The following BRIP1 variants were observed in gnomAD, a reference collection of about 807,000 sequenced individuals.
BRIP1 encodes the protein BRCA1 interacting DNA helicase 1.
BRIP1 carries 88 observed loss-of-function variants against 119.7 expected under a neutral mutation model. That is an observed-to-expected ratio of 0.74 (90% CI 0.62 to 0.88). The LOEUF (loss-of-function observed/expected upper bound fraction) is 0.88, where lower values mean the gene tolerates loss of function less well. Among genes scored for constraint, BRIP1 ranks in the 40% least tolerant of loss-of-function variants. The pLI is 0.00. For synonymous variants in BRIP1, 443 were observed against 496.5 expected, an observed-to-expected ratio of 0.89 and a Z score of 1.43; for missense variants, 1,259 against 1,455.4, an observed-to-expected ratio of 0.87 and a Z score of 2.20.
chr17:61,799,335 G>T lies in BRIP1; in HGVS notation c.1141-36C>A. 1 of 1,534,882 alleles carries T rather than the reference G, an allele frequency of 6.5e-7. No homozygotes were observed. On this transcript the variant is annotated intron_variant, in intron 8 of 19. Transcript: ENST00000259008. The surrounding 1 kb of genome is among the most constrained non-coding windows in gnomAD (Gnocchi z 5.1). ...AAAGAATTTTCTTGTAAAACATTTG[G>T]CAAAATAGATTTAACAACAGCAGGC...
At position 61,689,112 on chromosome 17, in the gene BRIP1, C is replaced by T. The variant is rs1056193104; in HGVS notation, c.2576-2947G>A. Among the ~76,000 whole-genome samples, 4 of 150,360 alleles carry T rather than the reference C, an allele frequency of 2.7e-5. No individual in the cohort carries two copies. The highest frequency in any genetic ancestry group is 2.1e-4 in the South Asian group (1 of 4,790). Reference sequence around the variant, plus strand: ...AGGCTGGAGTGCAGTGGCGCCATCTCGGCTCACTGAAACCTCCGCCTCCCT... The same window carrying T: ...AGGCTGGAGTGCAGTGGCGCCATCTTGGCTCACTGAAACCTCCGCCTCCCT... On this transcript the variant is annotated intron_variant, in intron 18 of 19. Coordinates refer to ENST00000259008, the MANE Select transcript of BRIP1 (RefSeq NM_032043.3). The surrounding 1 kb of genome is among the most constrained non-coding windows in gnomAD (Gnocchi z 4.5).
chr17:61,772,301 G>A (rs928318810), intron 14 of BRIP1, among the ~76,000 whole-genome samples: 31 of 150,298 alleles, frequency 2.1e-4, no homozygotes, highest in Non-Finnish European at 4.0e-4. Context: ...AAATAAATCA[G>A]AAACAAAGGA....
rs1259584835 is a variant in BRIP1 at position 61,703,906 on chromosome 17, G to GCACA, written c.2493-10395_2493-10394insTGTG. ...TTTTTGTTTTGTTGCAATTGCTTTT[G>GCACA]AGGACTTAGTCACAAATTCTTTGCC... On this transcript the variant is annotated intron_variant, in intron 17 of 19. Coordinates refer to ENST00000259008, the MANE Select transcript of BRIP1 (RefSeq NM_032043.3). This position sits in a 1 kb window ranked among gnomAD's most constrained non-coding sequence, Gnocchi z 5.0. Among the ~76,000 whole-genome samples the GCACA allele has an allele frequency of 3.9e-5, 6 of 152,224 alleles. No individual in the cohort carries two copies. In the East Asian group the frequency reaches 1.2e-3, roughly 29 times the overall value.
rs142458647 is a variant in BRIP1 at position 61,832,688 on chromosome 17, TGAA to T, written c.627+14410_627+14412del. ...GAAAGACTGAAGAAGTGTTCCAGAC[TGAA>T]GAAGTTACTAAAGTGATAACTAAAT... is the stretch of plus-strand genomic sequence containing the variant. On this transcript the variant is annotated intron_variant, in intron 6 of 19. Transcript: ENST00000259008. The surrounding 1 kb of genome is among the most constrained non-coding windows in gnomAD (Gnocchi z 5.5). Among the ~76,000 whole-genome samples the T allele has an allele frequency of 0.036, 5,410 of 152,252 alleles. 335 individuals are homozygous for T. Among genetic ancestry groups the T allele is most frequent in the African/African-American group, 0.12 (5,092 of 41,512 alleles).
chr17:61,748,846 T>C lies in BRIP1; in HGVS notation c.2098-4255A>G, dbSNP rs1245604496. 3.3e-5 allele frequency among the ~76,000 whole-genome samples: 5 copies of C among 152,172 alleles called. No homozygotes were observed. ...ATGGATTAGACTTAAATGTAAGATT[T>C]CAAACTGTTGGCTGGGCGCAGTGGC... On this transcript the variant is annotated intron_variant, in intron 14 of 19. Transcript: ENST00000259008. The surrounding 1 kb of genome is among the most constrained non-coding windows in gnomAD (Gnocchi z 4.7).
At chr17:61,786,345 T>C (rs2145162833) in intron 10 of BRIP1, among the ~76,000 whole-genome samples, 1 of 152,106 alleles carries the variant, frequency 6.6e-6, no homozygotes, top group East Asian at 1.9e-4. Flanking sequence ...CGTTATTTTT[T>C]TAAATGTGGT....
Position 61,745,656 on chromosome 17 carries a change from A to G in BRIP1, c.2098-1065T>C, listed in dbSNP as rs1022400981. Among the ~76,000 whole-genome samples, 6 of 152,236 alleles carry G rather than the reference A, an allele frequency of 3.9e-5. No individual in the cohort carries two copies. Among genetic ancestry groups the G allele is most frequent in the African/African-American group, 1.4e-4 (6 of 41,458 alleles). On this transcript the variant is annotated intron_variant, in intron 14 of 19. Coordinates refer to ENST00000259008, the MANE Select transcript of BRIP1 (RefSeq NM_032043.3). This position sits in a 1 kb window ranked among gnomAD's most constrained non-coding sequence, Gnocchi z 4.4. ...AGTGCTGAAATTACAGGTGTGAACC[A>G]ACACACGTGGCTGTAAAACTCATAT...
At chr17:61,830,348 A>G (rs934657604) in intron 6 of BRIP1, among the ~76,000 whole-genome samples, 4 of 151,620 alleles carry the variant, frequency 2.6e-5, no homozygotes, top group Non-Finnish European at 5.9e-5. Flanking sequence ...GGAAAAACAG[A>G]AAGTCAACAA....
rs2061365996 is a variant in BRIP1 at position 61,686,453 on chromosome 17, G to A, written c.2576-288C>T. Among the ~76,000 whole-genome samples the A allele has an allele frequency of 6.6e-6, 1 of 151,854 alleles. No homozygotes were observed. The highest frequency in any genetic ancestry group is 6.6e-5 in the Admixed American group (1 of 15,224). On this transcript the variant is annotated intron_variant, in intron 18 of 19. Coordinates refer to ENST00000259008, the MANE Select transcript of BRIP1 (RefSeq NM_032043.3). This position sits in a 1 kb window ranked among gnomAD's most constrained non-coding sequence, Gnocchi z 5.4. Reference sequence around the variant, plus strand: ...ACATATTCTCTGGTTAAGAATAACTGGTGAACATGGCAAATTTAATTTCAT... The same window carrying A: ...ACATATTCTCTGGTTAAGAATAACTAGTGAACATGGCAAATTTAATTTCAT...
In BRIP1 at chr17:61,758,968, C is replaced by T. The variant is rs2077237022; in HGVS notation, c.2098-14377G>A. ...GGTTATAGTGACCTATGATCACACC[C>T]CTGCACTCTGACCTGGGTGACAGAG... On this transcript the variant is annotated intron_variant, in intron 14 of 19. Transcript: ENST00000259008. This position sits in a 1 kb window ranked among gnomAD's most constrained non-coding sequence, Gnocchi z 5.3. 6.6e-6 allele frequency among the ~76,000 whole-genome samples: 1 copy of T among 151,512 alleles called. No individual in the cohort carries two copies. The highest frequency in any genetic ancestry group is 6.6e-5 in the Admixed American group (1 of 15,182).
rs1347040694 is a variant in BRIP1, at chr17:61,753,847, G to A, written c.2098-9256C>T. On this transcript the variant is annotated intron_variant, in intron 14 of 19. Coordinates refer to ENST00000259008, the MANE Select transcript of BRIP1 (RefSeq NM_032043.3). The surrounding 1 kb of genome is among the most constrained non-coding windows in gnomAD (Gnocchi z 4.6). ...TGCCAAGGCTGGTCTCAAACTCCTG[G>A]ACTCAAGCACTCCTCCACCTTGGCT... Among the ~76,000 whole-genome samples the A allele has an allele frequency of 2.0e-5, 3 of 152,034 alleles. No individual in the cohort carries two copies. Among genetic ancestry groups the A allele is most frequent in the Non-Finnish European group, 4.4e-5 (3 of 68,006 alleles).
At chr17:61,779,258 T>C (rs1448287904) in intron 13 of BRIP1, among the ~76,000 whole-genome samples, 1 of 152,118 alleles carries the variant, frequency 6.6e-6, no homozygotes, top group South Asian at 2.1e-4. Context: ...GGATACACTG[T>C]AGTCTAATGG....
intron 11 of BRIP1, 134 bp downstream of exon 11, chr17:61,784,136 A>G: frequency 1.3e-6 from 1 of 768,516 alleles, no homozygotes; most frequent in Non-Finnish European, 2.1e-6. Flanking sequence ...AAGAGCAAAT[A>G]TATAATAATA....
rs2145312600 is a variant in BRIP1 at position 61,799,367 on chromosome 17, T to C, written c.1141-68A>G. 1 of 1,270,360 alleles carries C rather than the reference T, an allele frequency of 7.9e-7. No homozygotes were observed. Among genetic ancestry groups the C allele is most frequent in the South Asian group, 1.3e-5 (1 of 79,622 alleles). The allele number at this position is 1,270,360 out of a possible 1,614,324, so 78.7% of individuals were successfully genotyped here. On this transcript the variant is annotated intron_variant, in intron 8 of 19. Coordinates refer to ENST00000259008, the MANE Select transcript of BRIP1 (RefSeq NM_032043.3). The surrounding 1 kb of genome is among the most constrained non-coding windows in gnomAD (Gnocchi z 5.1). ...AGATTTAACAACAGCAGGCAAGATA[T>C]TTCATTTTAAAATTCACACTATAGG...
rs1415364516 is a variant in BRIP1 at position 61,754,836 on chromosome 17, C to T, written c.2098-10245G>A. Among the ~76,000 whole-genome samples, 1 of 152,044 alleles carries T rather than the reference C, an allele frequency of 6.6e-6. No homozygotes were observed. The highest frequency in any genetic ancestry group is 2.4e-5 in the African/African-American group (1 of 41,376). ...GCAATGAAGTTTTCTGGTGTCTCTT[C>T]TTATAAGAACACTAATCCTATCAGA... On this transcript the variant is annotated intron_variant, in intron 14 of 19. Transcript: ENST00000259008. This position sits in a 1 kb window ranked among gnomAD's most constrained non-coding sequence, Gnocchi z 4.1.
intron 10 of BRIP1, among the ~76,000 whole-genome samples, chr17:61,786,956 TTTATA>T (rs1380483973): frequency 5.3e-5 from 5 of 95,132 alleles, no homozygotes; most frequent in African/African-American, 1.8e-4. Context: ...ATATAATATA[TTTATA>T]TTATATTTAT....
intron 6 of BRIP1, among the ~76,000 whole-genome samples, chr17:61,826,913 A>C (rs982691581): frequency 6.6e-6 from 1 of 152,168 alleles, no homozygotes; most frequent in African/African-American, 2.4e-5. Context: ...CAGCAATCCC[A>C]TTACTGGGTA....
rs1567850417 is a variant in BRIP1 at position 61,824,030 on chromosome 17, G to A, written c.628-15273C>T. Among the ~76,000 whole-genome samples the A allele has an allele frequency of 6.6e-6, 1 of 152,126 alleles. No individual in the cohort carries two copies. The highest frequency in any genetic ancestry group is 1.5e-5 in the Non-Finnish European group (1 of 68,016). On this transcript the variant is annotated intron_variant, in intron 6 of 19. Coordinates refer to ENST00000259008, the MANE Select transcript of BRIP1 (RefSeq NM_032043.3). This position sits in a 1 kb window ranked among gnomAD's most constrained non-coding sequence, Gnocchi z 4.3. ...GGGTGTCACCATGTTAGCCAGGCTG[G>A]TCTCAAACTCCTGACCTCAGGTGAT...
At position 61,832,299 on chromosome 17, in the gene BRIP1, G is replaced by A. The variant is rs1035958260; in HGVS notation, c.627+14802C>T. Among the ~76,000 whole-genome samples the A allele has an allele frequency of 2.2e-4, 33 of 152,158 alleles. No individual in the cohort carries two copies. Among genetic ancestry groups the A allele is most frequent in the Non-Finnish European group, 4.1e-4 (28 of 67,988 alleles). On this transcript the variant is annotated intron_variant, in intron 6 of 19. Coordinates refer to ENST00000259008, the MANE Select transcript of BRIP1 (RefSeq NM_032043.3). The surrounding 1 kb of genome is among the most constrained non-coding windows in gnomAD (Gnocchi z 5.5). ...AATCATATAATAATTATAACTCACC[G>A]AATAAAATGGAAAATCACAAGTCCA...
Sources: gnomAD v4.1 joint callset for allele counts (sites outside exome capture counted in the v4.1 genomes callset) on GRCh38, gnomAD v4.1.1 for gene constraint, Gnocchi (gnomAD v3.1) non-coding constraint, MANE v1.5 for transcripts, NCBI Gene and HGNC (gene_info 2026-07-23, HGNC 2026-07-21) for gene names.